Variants in ACBD5 observed in about 807,000 individuals in gnomAD.
ACBD5 encodes acyl-CoA binding domain containing 5.
A neutral mutation model predicts 71.8 loss-of-function variants in ACBD5; 40 were observed. That is an observed-to-expected ratio of 0.56 (90% CI 0.43 to 0.72). The LOEUF is 0.72. ACBD5 is among the 30% of genes least tolerant of loss of function. ACBD5 has a pLI of 0.00. For missense variants in ACBD5, 559 were observed against 644.5 expected, an observed-to-expected ratio of 0.87 and a Z score of 1.44; for synonymous variants, 229 against 218.6, an observed-to-expected ratio of 1.05 and a Z score of -0.42.
At chr10:27,206,669 C>A (rs2060496499) in intron 10 of ACBD5, among the ~76,000 whole-genome samples, 2 of 151,926 alleles carry the variant, frequency 1.3e-5, no homozygotes, top group South Asian at 4.1e-4. Context: ...GCATGCACCA[C>A]CACGCCCAGC....
At chr10:27,209,366 C>T (rs1244725003) in intron 9 of ACBD5, among the ~76,000 whole-genome samples, 2 of 152,194 alleles carry the variant, frequency 1.3e-5, no homozygotes, top group Non-Finnish European at 2.9e-5. Context: ...GACAGTCTCA[C>T]TCTGTTGCCC....
At chr10:27,214,588 A>G (rs1015637090) in intron 8 of ACBD5, among the ~76,000 whole-genome samples, 2 of 152,176 alleles carry the variant, frequency 1.3e-5, no homozygotes, top group Non-Finnish European at 2.9e-5. Flanking sequence ...TATCATCATT[A>G]TCAGAAAAAG....
chr10:27,223,822 A>C (rs1589245535), intron 4 of ACBD5, among the ~76,000 whole-genome samples: 1 of 152,206 alleles, frequency 6.6e-6, no homozygotes, highest in Non-Finnish European at 1.5e-5. Context: ...AGGTGGGAGG[A>C]TTACATGAGC....
chr10:27,211,044 T>C lies in ACBD5; in HGVS notation c.974A>G (p.Gln325Arg). Residue 325 changes from glutamine to arginine, a missense_variant, in exon 9 of 13, where the codon CAG (glutamine) becomes CGG (arginine). Physicochemically the swap from Gln to Arg is conservative, Grantham distance 43. Coordinates refer to ENST00000396271, the MANE Select transcript of ACBD5 (RefSeq NM_145698.5). ...DSFTSNNGPF[Q>R]YYLGGHSSQP... ...ACTGGAATGACCACCCAAGTAATACTGAAATGGTCCATTGTTGGACGTAAA... is the reference window on the plus strand; with the variant it reads ...ACTGGAATGACCACCCAAGTAATACCGAAATGGTCCATTGTTGGACGTAAA... 6.2e-7 allele frequency: 1 copy of C among 1,614,170 alleles called. No individual in the cohort carries two copies.
intron 4 of ACBD5, among the ~76,000 whole-genome samples, chr10:27,230,175 T>A (rs1362602637): frequency 1.3e-5 from 2 of 151,774 alleles, no homozygotes; most frequent in Non-Finnish European, 2.9e-5. Context: ...TTGAAAGGCC[T>A]ATTTGTTATT....
At position 27,217,992 on chromosome 10, in the gene ACBD5, A is replaced by C; in HGVS notation, c.817T>G (p.Cys273Gly). The change falls in exon 7 of 13, where the codon TGC (cysteine) becomes GGC (glycine). Residue 273 changes from cysteine (C) to glycine (G), a missense_variant. Physicochemically the swap from Cys to Gly is radical, Grantham distance 159 (BLOSUM62 -3). Transcript: ENST00000396271. ...NLGQTGKSAV[C>G]IHQDINDDHV... ...TTGGGGACAATACCTTGGTGAATGC[A>C]AACAGCAGATTTTCCAGTTTGCCCC... 1 of 1,614,182 alleles carries C rather than the reference A, an allele frequency of 6.2e-7. No individual in the cohort carries two copies. The highest frequency in any genetic ancestry group is 8.5e-7 in the Non-Finnish European group (1 of 1,180,024).
chr10:27,208,344 G>T lies in ACBD5; in HGVS notation c.1306C>A (p.Leu436Ile). The change falls in exon 10 of 13, where the codon CTC becomes ATC. Residue 436 changes from leucine to isoleucine, a missense_variant. Transcript: ENST00000396271. ...AGCACGAGGGCGATCTGCTCATTGA[G>T]GCTGCCTCGGGACCCTCTGTCGGAG... ...WGSDRGSRGS[L>I]NEQIALVLMR... 1 of 1,614,180 alleles carries T rather than the reference G, an allele frequency of 6.2e-7. No individual in the cohort carries two copies. The highest frequency in any genetic ancestry group is 8.5e-7 in the Non-Finnish European group (1 of 1,180,032).
At chr10:27,191,977 AAAT>A (rs1226093652), downstream of ACBD5, among the ~76,000 whole-genome samples, 20 of 152,212 alleles carry the variant, frequency 1.3e-4, no homozygotes, top group African/African-American at 4.6e-4. Flanking sequence ...TTAGTAGAAG[AAAT>A]AATAAGATAC....
intron 13 of ACBD5, among the ~76,000 whole-genome samples, chr10:27,183,852 C>T (rs1263497810): frequency 2.6e-5 from 4 of 152,080 alleles, no homozygotes; most frequent in Non-Finnish European, 4.4e-5. Flanking sequence ...GCTGGTACTA[C>T]TGGTGCACAC....
At chr10:27,210,759 C>T in intron 9 of ACBD5, 55 bp downstream of exon 9, 1 of 1,612,822 alleles carries the variant, frequency 6.2e-7, no homozygotes. Flanking sequence ...GACTCCATCT[C>T]AAAAATAAGT....
At chr10:27,215,771 C>A in intron 7 of ACBD5, 130 bp from the exon 8 acceptor site, 1 of 646,994 alleles carries the variant, frequency 1.5e-6, no homozygotes, top group East Asian at 3.1e-5. Context: ...GTGATCTCGG[C>A]TCACTGCAAC....
At chr10:27,186,407 T>C (rs2058753121) in intron 13 of ACBD5, 1 of 1,614,096 alleles carries the variant, frequency 6.2e-7, no homozygotes, top group African/African-American at 1.3e-5. Context: ...TCTTCAGTGA[T>C]GTGGACTGGG....
At chr10:27,213,233 A>C (rs1198142398) in intron 8 of ACBD5, among the ~76,000 whole-genome samples, 1 of 152,176 alleles carries the variant, frequency 6.6e-6, no homozygotes, top group East Asian at 1.9e-4. Context: ...AAGACCTACA[A>C]ATGGCCAACA....
chr10:27,190,244 C>T (rs1050888061), downstream of ACBD5, among the ~76,000 whole-genome samples: 54 of 152,116 alleles, frequency 3.5e-4, no homozygotes. Flanking sequence ...AAAATGGCGC[C>T]ATTGCACTCC....
chr10:27,212,772 C>T (rs1377772779), intron 8 of ACBD5, among the ~76,000 whole-genome samples: 2 of 152,082 alleles, frequency 1.3e-5, no homozygotes, highest in Non-Finnish European at 2.9e-5. Flanking sequence ...GGCTCTGAAA[C>T]TTGTGAGCTC....
intron 12 of ACBD5, 90 bp from the exon 13 acceptor site, chr10:27,197,532 C>A (rs540769100): frequency 9.9e-7 from 1 of 1,010,838 alleles, no homozygotes; most frequent in African/African-American, 1.6e-5. Context: ...CATACAAATT[C>A]AAAATAAAAC....
intron 9 of ACBD5, among the ~76,000 whole-genome samples, chr10:27,209,333 T>C (rs1208183659): frequency 6.6e-6 from 1 of 151,256 alleles, no homozygotes; most frequent in African/African-American, 2.5e-5. Context: ...TCCAAAGGTA[T>C]TTGTCTGTTT....
At position 27,240,788 on chromosome 10, in the gene ACBD5, G is replaced by C; in HGVS notation, c.-100C>G. 6.6e-7 allele frequency: 1 copy of C among 1,522,432 alleles called. No individual in the cohort carries two copies. Among genetic ancestry groups the C allele is most frequent in the Non-Finnish European group, 8.9e-7 (1 of 1,122,952 alleles). 94.3% of individuals were successfully genotyped at this position (1,522,432 alleles called of 1,614,324 possible). A position where few individuals can be genotyped will look rare whatever the true frequency, so the allele number is the denominator to read the frequency against. On this transcript the variant is annotated 5_prime_UTR_variant, in exon 1 of 13. Coordinates refer to ENST00000396271, the MANE Select transcript of ACBD5 (RefSeq NM_145698.5). The surrounding 1 kb of genome is among the most constrained non-coding windows in gnomAD (Gnocchi z 4.1). ...AGCAGCCACACCCCCCATTCCGCCG[G>C]AGTCCGTCTGTCAGTCCGTGCCCTC... is the stretch of plus-strand genomic sequence containing the variant.
At chr10:27,229,528 G>A (rs945700909) in intron 4 of ACBD5, among the ~76,000 whole-genome samples, 2 of 151,750 alleles carry the variant, frequency 1.3e-5, no homozygotes, top group African/African-American at 4.8e-5. Flanking sequence ...CTGGACAACA[G>A]AACCAGATCC....
Sources: allele counts gnomAD v4.1 joint callset (sites outside exome capture counted in the v4.1 genomes callset), GRCh38; gene constraint gnomAD v4.1.1; non-coding constraint Gnocchi (gnomAD v3.1); transcripts MANE v1.5; gene names NCBI Gene and HGNC (gene_info 2026-07-23, HGNC 2026-07-21).